PDSS2: variants seen among roughly 807,000 people sequenced by gnomAD.
PDSS2 encodes all trans-polyprenyl-diphosphate synthase PDSS2.
In PDSS2, 31 loss-of-function variants were observed where a neutral mutation model predicts 44.5. The ratio of observed to expected loss-of-function variants is 0.70; its 90% CI spans 0.52 to 0.94. PDSS2 has a LOEUF of 0.94. PDSS2 is among the 40% of genes least tolerant of loss of function. The pLI is 0.00. For missense variants in PDSS2, 452 were observed against 482.2 expected (o/e 0.94, Z 0.59); for synonymous variants, 157 against 180.3 (o/e 0.87, Z 1.03).
intron 1 of PDSS2, among the ~76,000 whole-genome samples, chr6:107,429,454 T>A (rs1243227178): frequency 6.6e-6 from 1 of 152,180 alleles, no homozygotes; most frequent in Non-Finnish European, 1.5e-5. Flanking sequence ...GGTATCTTGC[T>A]TTTAGTCCAT....
chr6:107,436,795 TCATA>T (rs1404835127), intron 1 of PDSS2, among the ~76,000 whole-genome samples: 4 of 152,182 alleles, frequency 2.6e-5, no homozygotes, highest in Non-Finnish European at 5.9e-5. Context: ...GATCTGATCA[TCATA>T]CATTATATGT....
intron 1 of PDSS2, among the ~76,000 whole-genome samples, chr6:107,410,860 C>T (rs1448944024): frequency 2.0e-5 from 3 of 151,700 alleles, no homozygotes; most frequent in African/African-American, 7.3e-5. Context: ...CACAGCATTC[C>T]ACGGTTTGAT....
At chr6:107,450,456 C>T (rs188801552) in intron 1 of PDSS2, among the ~76,000 whole-genome samples, 2 of 152,206 alleles carry the variant, frequency 1.3e-5, no homozygotes, top group East Asian at 3.9e-4. Flanking sequence ...AAATAACACA[C>T]AAAATCATCC....
At chr6:107,308,418 A>C (rs542904776) in intron 2 of PDSS2, among the ~76,000 whole-genome samples, 1 of 152,320 alleles carries the variant, frequency 6.6e-6, no homozygotes, top group Admixed American at 6.5e-5. Flanking sequence ...ACTATGTATC[A>C]AGGTGTGAGT....
intron 6 of PDSS2, among the ~76,000 whole-genome samples, chr6:107,201,390 CAAA>C (rs747612959): frequency 0.17 from 8,944 of 51,396 alleles, 134 homozygotes; most frequent in Non-Finnish European, 0.21. Flanking sequence ...CATACAAAAG[CAAA>C]AAAAAAAAAA....
intron 7 of PDSS2, among the ~76,000 whole-genome samples, chr6:107,165,663 C>A (rs1771316541): frequency 6.6e-6 from 1 of 151,674 alleles, no homozygotes; most frequent in African/African-American, 2.4e-5. Flanking sequence ...TTTTTGGTTC[C>A]ATATGAACTT....
intron 1 of PDSS2, among the ~76,000 whole-genome samples, chr6:107,398,169 C>T (rs1472653126): frequency 6.6e-6 from 1 of 152,188 alleles, no homozygotes; most frequent in Non-Finnish European, 1.5e-5. Context: ...TCCTCCTTTT[C>T]CCAACTGCTT....
chr6:107,447,587 T>C (rs1781729398), intron 1 of PDSS2, among the ~76,000 whole-genome samples: 1 of 152,212 alleles, frequency 6.6e-6, no homozygotes, highest in African/African-American at 2.4e-5. Flanking sequence ...TCCCACAGTC[T>C]TGGGAAACTC....
At chr6:107,324,996 A>G (rs1777494522) in intron 2 of PDSS2, among the ~76,000 whole-genome samples, 1 of 152,130 alleles carries the variant, frequency 6.6e-6, no homozygotes, top group South Asian at 2.1e-4. Context: ...ATAAATTATG[A>G]ACTACAATAT....
intron 1 of PDSS2, among the ~76,000 whole-genome samples, chr6:107,406,655 A>C (rs1176175394): frequency 6.6e-6 from 1 of 152,216 alleles, no homozygotes; most frequent in Non-Finnish European, 1.5e-5. Flanking sequence ...TACAGCTTAA[A>C]GTCATACAGC....
At chr6:107,406,066 T>C (rs1780311410) in intron 1 of PDSS2, among the ~76,000 whole-genome samples, 1 of 152,146 alleles carries the variant, frequency 6.6e-6, no homozygotes, top group Non-Finnish European at 1.5e-5. Flanking sequence ...TTTTAAAATT[T>C]AATAAAACAA....
At chr6:107,451,675 T>A (rs1475569881) in intron 1 of PDSS2, among the ~76,000 whole-genome samples, 4 of 152,172 alleles carry the variant, frequency 2.6e-5, no homozygotes, top group Non-Finnish European at 5.9e-5. Context: ...CTTTCTACTC[T>A]CACCTCCTCA....
In PDSS2 at chr6:107,291,008, T is replaced by TA. The variant is rs201486844; in HGVS notation, c.432-16782dup. ...TTCAATAATATCAAGCTCAAACCGTTAAAAAAAAAAAAAGCATGTGAGCGC... is the reference window on the plus strand; with the variant it reads ...TTCAATAATATCAAGCTCAAACCGTTAAAAAAAAAAAAAAGCATGTGAGCGC... On this transcript the variant is annotated intron_variant, in intron 2 of 7. Transcript: ENST00000369037. 2.3e-3 allele frequency among the ~76,000 whole-genome samples: 336 copies of TA among 143,146 alleles called. 3 individuals are homozygous for TA. The highest frequency in any genetic ancestry group is 6.1e-3 in the East Asian group (30 of 4,958). The allele number at this position is 143,146 out of a possible 152,430, so 93.9% of individuals were successfully genotyped here.
At chr6:107,334,644 G>A (rs566921622) in intron 1 of PDSS2, among the ~76,000 whole-genome samples, 1 of 149,372 alleles carries the variant, frequency 6.7e-6, no homozygotes, top group South Asian at 2.1e-4. Context: ...GGTCCTAAGC[G>A]ATCCTCCCAC....
At chr6:107,383,506 A>C (rs547154332) in intron 1 of PDSS2, among the ~76,000 whole-genome samples, 2 of 152,190 alleles carry the variant, frequency 1.3e-5, no homozygotes, top group Non-Finnish European at 2.9e-5. Context: ...AAAGGACACC[A>C]TCAAGAAGGT....
At chr6:107,216,028 T>A (rs935282441) in intron 4 of PDSS2, among the ~76,000 whole-genome samples, 3 of 151,770 alleles carry the variant, frequency 2.0e-5, no homozygotes, top group Non-Finnish European at 4.4e-5. Flanking sequence ...TCCCAGCTAC[T>A]TGGGAGGCTG....
intron 1 of PDSS2, among the ~76,000 whole-genome samples, chr6:107,442,584 C>A (rs887080432): frequency 1.3e-4 from 20 of 152,190 alleles, no homozygotes; most frequent in Non-Finnish European, 1.9e-4. Flanking sequence ...GTGTTTACCT[C>A]CTGTAGGAGG....
intron 1 of PDSS2, among the ~76,000 whole-genome samples, chr6:107,359,007 C>CT (rs59632305): frequency 0.049 from 4,585 of 92,956 alleles, 350 homozygotes; most frequent in African/African-American, 0.12. Context: ...CATTCTCGCT[C>CT]TTTTTTTTTT....
intron 2 of PDSS2, among the ~76,000 whole-genome samples, chr6:107,320,338 T>C (rs761833756): frequency 1.1e-4 from 17 of 152,230 alleles, no homozygotes; most frequent in Non-Finnish European, 2.1e-4. Context: ...TATTACAGGA[T>C]ACAAATTACT....
Sources: gnomAD v4.1 joint callset for allele counts (sites outside exome capture counted in the v4.1 genomes callset) on GRCh38, gnomAD v4.1.1 for gene constraint, MANE v1.5 for transcripts, NCBI Gene and HGNC (gene_info 2026-07-23, HGNC 2026-07-21) for gene names.